Variants in SPAG16 observed in about 807,000 individuals in gnomAD.
SPAG16 encodes the protein sperm associated antigen 16, also known as sperm-associated antigen 16 protein.
Under a neutral mutation model 80.4 loss-of-function variants are expected in SPAG16, and 86 were observed. The observed-to-expected ratio is 1.07, with a 90% CI of 0.90 to 1.28. SPAG16 has a LOEUF of 1.28. Among genes scored for constraint, SPAG16 ranks in the 50% most tolerant of loss-of-function variants. The pLI is 0.00. For synonymous variants in SPAG16, 294 were observed against 265.9 expected, an observed-to-expected ratio of 1.11 and a Z score of -1.03; for missense variants, 870 against 765.3, an observed-to-expected ratio of 1.14 and a Z score of -1.61.
chr2:213,868,495 A>T (rs971428554), intron 11 of SPAG16, among the ~76,000 whole-genome samples: 1 of 152,206 alleles, frequency 6.6e-6, no homozygotes, highest in Non-Finnish European at 1.5e-5. Flanking sequence ...ATATCAGTAA[A>T]ACTCATGCTA....
intron 10 of SPAG16, among the ~76,000 whole-genome samples, chr2:213,755,404 AT>A (rs2068277397): frequency 6.6e-6 from 1 of 152,222 alleles, no homozygotes; most frequent in Non-Finnish European, 1.5e-5. Context: ...AACATTGTTT[AT>A]TAAAAAAATA....
intron 9 of SPAG16, among the ~76,000 whole-genome samples, chr2:213,445,753 A>G (rs1477545472): frequency 6.6e-6 from 1 of 152,180 alleles, no homozygotes; most frequent in African/African-American, 2.4e-5. Context: ...ATAAGATACC[A>G]TCTCACCTCA....
intron 12 of SPAG16, among the ~76,000 whole-genome samples, chr2:213,994,426 T>C (rs556849783): frequency 6.6e-6 from 1 of 152,330 alleles, no homozygotes; most frequent in Admixed American, 6.5e-5. Flanking sequence ...TTCTTAAAAA[T>C]CTGCCATGTT....
At chr2:213,908,149 A>G (rs1399268081) in intron 11 of SPAG16, among the ~76,000 whole-genome samples, 1 of 152,178 alleles carries the variant, frequency 6.6e-6, no homozygotes, top group East Asian at 1.9e-4. Flanking sequence ...TTATGAATCA[A>G]CTAAAGATAA....
chr2:214,387,462 T>G (rs920351512), intron 15 of SPAG16, among the ~76,000 whole-genome samples: 2 of 152,196 alleles, frequency 1.3e-5, no homozygotes, highest in Admixed American at 6.5e-5. Context: ...ACATTCTAAT[T>G]TTTAACCAAA....
intron 4 of SPAG16, 147 bp downstream of exon 4, chr2:213,310,324 ACACACACACACACAC>A: frequency 1.3e-3 from 1 of 768 alleles, no homozygotes; most frequent in Non-Finnish European, 2.9e-3. Flanking sequence ...ACCACAACAC[ACACACACACACACAC>A]ACACACACAC....
intron 11 of SPAG16, among the ~76,000 whole-genome samples, chr2:213,916,355 A>G (rs183410917): frequency 1.3e-5 from 2 of 152,264 alleles, no homozygotes; most frequent in African/African-American, 4.8e-5. Flanking sequence ...TCCCAACATC[A>G]TTTATTAAAT....
At chr2:214,195,332 G>GATAGATAGATAGATAGATAGATAT (rs1265821816) in intron 15 of SPAG16, among the ~76,000 whole-genome samples, 1 of 151,882 alleles carries the variant, frequency 6.6e-6, no homozygotes, top group Non-Finnish European at 1.5e-5. Context: ...TAGATAGATA[G>GATAGATAGATAGATAGATAGATAT]ATATTTGAGA....
At chr2:213,895,881 G>T (rs924672250) in intron 11 of SPAG16, among the ~76,000 whole-genome samples, 1 of 151,748 alleles carries the variant, frequency 6.6e-6, no homozygotes, top group African/African-American at 2.4e-5. Flanking sequence ...AAGATTTTGT[G>T]TTTCATACTG....
rs146121797 is a variant in SPAG16, at chr2:214,011,074, T to C, written c.1401-2877T>C. Among the ~76,000 whole-genome samples, 15 of 144,514 alleles carry C rather than the reference T, an allele frequency of 1.0e-4. 2 individuals carry two copies. In the East Asian group the frequency reaches 2.9e-3, roughly 28 times the overall value. The allele number at this position is 144,514 out of a possible 152,430, so 94.8% of individuals were successfully genotyped here. ...TAGTTATACTTATTTTATTGTTAAA[T>C]TTCATATAATTTAATAATTTACCAT... On this transcript the variant is annotated intron_variant, in intron 12 of 15. Coordinates refer to ENST00000331683, the MANE Select transcript of SPAG16 (RefSeq NM_024532.5).
At chr2:214,354,674 T>C (rs1183225609) in intron 15 of SPAG16, among the ~76,000 whole-genome samples, 2 of 151,366 alleles carry the variant, frequency 1.3e-5, no homozygotes, top group African/African-American at 2.4e-5. Context: ...TTTTATTTCA[T>C]TGAGCAGTGG....
chr2:214,160,483 TC>T (rs1158173234), intron 15 of SPAG16, among the ~76,000 whole-genome samples: 2 of 151,960 alleles, frequency 1.3e-5, no homozygotes, highest in African/African-American at 4.8e-5. Flanking sequence ...ATTTTTATCA[TC>T]CTTTTTTTTC....
At chr2:213,355,280 T>C (rs1252960819) in intron 7 of SPAG16, among the ~76,000 whole-genome samples, 4 of 152,244 alleles carry the variant, frequency 2.6e-5, no homozygotes, top group South Asian at 2.1e-4. Context: ...TGTAGTATAG[T>C]TTGAAGTCAG....
At chr2:213,918,871 T>A (rs2078086959) in intron 11 of SPAG16, among the ~76,000 whole-genome samples, 1 of 152,168 alleles carries the variant, frequency 6.6e-6, no homozygotes, top group Admixed American at 6.5e-5. Flanking sequence ...GGAGGGTGTA[T>A]GTGTCCAGGA....
intron 10 of SPAG16, among the ~76,000 whole-genome samples, chr2:213,541,610 A>G (rs2076449018): frequency 6.6e-6 from 1 of 152,110 alleles, no homozygotes; most frequent in African/African-American, 2.4e-5. Context: ...ACACAGACAG[A>G]CTCCATCTCA....
At chr2:214,095,404 A>C (rs1201166947) in intron 13 of SPAG16, among the ~76,000 whole-genome samples, 1 of 152,102 alleles carries the variant, frequency 6.6e-6, no homozygotes, top group South Asian at 2.1e-4. Flanking sequence ...TCTATCATAC[A>C]CGGTGACTGG....
intron 10 of SPAG16, among the ~76,000 whole-genome samples, chr2:213,512,977 AG>A (rs1324324596): frequency 6.6e-6 from 1 of 151,930 alleles, no homozygotes; most frequent in Non-Finnish European, 1.5e-5. Context: ...GTAGTTCTTT[AG>A]GGCCCTCAGA....
chr2:213,932,147 CATAT>C (rs61264162), intron 12 of SPAG16, among the ~76,000 whole-genome samples: 474 of 29,816 alleles, frequency 0.016, no homozygotes, highest in East Asian at 0.039. Context: ...CTTGATACTG[CATAT>C]ATATATATAT....
At chr2:213,413,548 T>C (rs1216833008) in intron 9 of SPAG16, among the ~76,000 whole-genome samples, 3 of 152,118 alleles carry the variant, frequency 2.0e-5, no homozygotes, top group African/African-American at 7.2e-5. Context: ...CTTATAACTA[T>C]TGAGAGGACT....
Sources: allele counts gnomAD v4.1 joint callset (sites outside exome capture counted in the v4.1 genomes callset), GRCh38; gene constraint gnomAD v4.1.1; transcripts MANE v1.5; gene names NCBI Gene and HGNC (gene_info 2026-07-23, HGNC 2026-07-21).